DOCK7: variants seen among roughly 807,000 people sequenced by gnomAD.
DOCK7 encodes the protein dedicator of cytokinesis 7.
A neutral mutation model predicts 271.0 loss-of-function variants in DOCK7; 138 were observed. The observed-to-expected ratio is 0.51, with a 90% CI of 0.44 to 0.59. The LOEUF (loss-of-function observed/expected upper bound fraction) is 0.59. DOCK7 is among the 20% of genes least tolerant of loss of function. DOCK7 has a pLI of 0.00. For missense variants in DOCK7, 2,066 were observed against 2,592.4 expected, an observed-to-expected ratio of 0.80 and a Z score of 4.41; for synonymous variants, 823 against 876.1, an observed-to-expected ratio of 0.94 and a Z score of 1.07.
At chr1:62,678,667 C>T (rs545299591) in intron 1 of DOCK7, among the ~76,000 whole-genome samples, 96 of 151,904 alleles carry the variant, frequency 6.3e-4, no homozygotes, top group Admixed American at 4.5e-3. Context: ...CTAAAATTTA[C>T]GTGGAAATTC....
intron 1 of DOCK7, among the ~76,000 whole-genome samples, chr1:62,668,112 C>T (rs1283989259): frequency 1.3e-5 from 2 of 152,068 alleles, no homozygotes; most frequent in African/African-American, 4.8e-5. Context: ...AGTATTTGTG[C>T]CAAAAAATGT....
intron 25 of DOCK7, among the ~76,000 whole-genome samples, chr1:62,541,334 T>C (rs536274473): frequency 1.7e-4 from 26 of 152,348 alleles, no homozygotes; most frequent in African/African-American, 6.0e-4. Flanking sequence ...TTGTAATGTT[T>C]GTTGCCTTTG....
intron 14 of DOCK7, among the ~76,000 whole-genome samples, chr1:62,607,035 G>A (rs540779554): frequency 1.4e-4 from 21 of 152,026 alleles, no homozygotes; most frequent in South Asian, 2.1e-4. Flanking sequence ...GTGAAACCCC[G>A]TCTCTACCTA....
intron 48 of DOCK7, among the ~76,000 whole-genome samples, chr1:62,462,466 G>A (rs925398701): frequency 6.6e-6 from 1 of 152,150 alleles, no homozygotes; most frequent in African/African-American, 2.4e-5. Context: ...GGAGAATAAA[G>A]ATCCCAAAAA....
chr1:62,539,933 T>C (rs754834646), intron 25 of DOCK7, 41 bp from the exon 26 acceptor site: 1 of 1,400,650 alleles, frequency 7.1e-7, no homozygotes. Context: ...TATGAATATA[T>C]TTAACAATTA....
At chr1:62,458,156 G>T (rs913057199) in intron 48 of DOCK7, 202 of 153,136 alleles carry the variant, frequency 1.3e-3, no homozygotes, top group African/African-American at 4.5e-3. Flanking sequence ...CTCAAACGTG[G>T]GTGTGTGTGT....
chr1:62,561,535 A>T, intron 19 of DOCK7, 82 bp downstream of exon 19: 3 of 760,748 alleles, frequency 3.9e-6, no homozygotes, highest in Non-Finnish European at 5.8e-6. Flanking sequence ...TATGACAGGT[A>T]ACAAAACTGA....
intron 14 of DOCK7, chr1:62,600,982 G>A (rs985848731): frequency 8.1e-6 from 6 of 745,190 alleles, no homozygotes; most frequent in African/African-American, 5.3e-5. Context: ...ATAACATTAT[G>A]AACTGAAAGA....
intron 11 of DOCK7, among the ~76,000 whole-genome samples, chr1:62,626,032 T>C (rs1653908509): frequency 6.6e-6 from 1 of 152,250 alleles, no homozygotes. Context: ...ATTAAAATCA[T>C]ATAAAAATGT....
chr1:62,573,586 A>C (rs1646852141), intron 18 of DOCK7, among the ~76,000 whole-genome samples: 1 of 152,206 alleles, frequency 6.6e-6, no homozygotes, highest in Non-Finnish European at 1.5e-5. Flanking sequence ...ACAATGCCAT[A>C]AGCTTTTTGT....
intron 37 of DOCK7, among the ~76,000 whole-genome samples, chr1:62,497,418 T>C (rs1160334990): frequency 6.6e-6 from 1 of 152,176 alleles, no homozygotes; most frequent in African/African-American, 2.4e-5. Context: ...GGATGTCTCA[T>C]AGGTACCACA....
intron 7 of DOCK7, among the ~76,000 whole-genome samples, chr1:62,645,718 A>C (rs1001679822): frequency 2.6e-5 from 4 of 152,244 alleles, no homozygotes; most frequent in Non-Finnish European, 5.9e-5. Context: ...AGTGAACCAC[A>C]TAATACGTGA....
At chr1:62,610,840 A>G (rs971152859) in intron 14 of DOCK7, among the ~76,000 whole-genome samples, 1 of 151,948 alleles carries the variant, frequency 6.6e-6, no homozygotes, top group Non-Finnish European at 1.5e-5. Context: ...TATGTGCCAC[A>G]TTTTCTTCAT....
intron 40 of DOCK7, among the ~76,000 whole-genome samples, chr1:62,493,617 T>C (rs1646528655): frequency 6.6e-6 from 1 of 152,240 alleles, no homozygotes; most frequent in Non-Finnish European, 1.5e-5. Flanking sequence ...GCAATTGTTT[T>C]GGAGATTCAC....
intron 14 of DOCK7, among the ~76,000 whole-genome samples, chr1:62,596,545 T>G (rs191145608): frequency 1.0e-3 from 156 of 152,274 alleles, no homozygotes; most frequent in African/African-American, 3.6e-3. Flanking sequence ...TGTAATCGGC[T>G]GGGCTCATGC....
chr1:62,645,079 G>C (rs1656485562), intron 7 of DOCK7, among the ~76,000 whole-genome samples: 1 of 152,090 alleles, frequency 6.6e-6, no homozygotes, highest in African/African-American at 2.4e-5. Context: ...GGAGAAATTA[G>C]AATCATCCTA....
At chr1:62,534,431 A>G (rs1205540418) in intron 29 of DOCK7, among the ~76,000 whole-genome samples, 1 of 152,094 alleles carries the variant, frequency 6.6e-6, no homozygotes, top group Non-Finnish European at 1.5e-5. Flanking sequence ...CCTGGCCAAC[A>G]TGGCAAAACC....
intron 21 of DOCK7, among the ~76,000 whole-genome samples, chr1:62,553,350 ATATATTTTTTTT>A (rs1646011811): frequency 1.3e-4 from 2 of 14,872 alleles, no homozygotes; most frequent in African/African-American, 7.1e-4. Context: ...ATATATATAT[ATATATTTTTTTT>A]TTTTTTTTTT....
intron 14 of DOCK7, among the ~76,000 whole-genome samples, chr1:62,602,605 T>C (rs1650316243): frequency 1.3e-5 from 2 of 151,818 alleles, no homozygotes; most frequent in South Asian, 4.1e-4. Context: ...TTCTTAAATA[T>C]ACTTATCACA....
Sources: gnomAD v4.1 joint callset for allele counts (sites outside exome capture counted in the v4.1 genomes callset) on GRCh38, gnomAD v4.1.1 for gene constraint, MANE v1.5 for transcripts, NCBI Gene and HGNC (gene_info 2026-07-23, HGNC 2026-07-21) for gene names.